The following TAB2 variants were observed in gnomAD, a reference collection of about 807,000 sequenced individuals.
TAB2 encodes the protein TGF-beta activated kinase 1 (MAP3K7) binding protein 2.
A neutral mutation model predicts 65.0 loss-of-function variants in TAB2; 3 were observed. The observed-to-expected ratio is 0.05, with a 90% CI of 0.02 to 0.12. The LOEUF (loss-of-function observed/expected upper bound fraction) is 0.12, where lower values mean the gene tolerates loss of function less well. Ranked by LOEUF, TAB2 falls within the 10% of genes least tolerant of loss-of-function variation. TAB2 has a pLI of 1.00. For synonymous variants in TAB2, 298 were observed against 285.1 expected (o/e 1.05, Z -0.46); for missense variants, 623 against 840.3 (o/e 0.74, Z 3.20).
At chr6:149,386,152 A>G (rs9373589) in intron 3 of TAB2, among the ~76,000 whole-genome samples, 54,494 of 152,020 alleles carry the variant, frequency 0.36, 10,120 homozygotes, top group East Asian at 0.6. Flanking sequence ...CTGTGAACAC[A>G]CGGGATTATA....
At chr6:149,243,325 A>G (rs747135533) in intron 1 of TAB2, 8 of 152,244 alleles carry the variant, frequency 5.3e-5, no homozygotes, top group Non-Finnish European at 1.2e-4. Context: ...GGTGACATAA[A>G]AATATTTGTA....
chr6:149,305,251 C>T (rs749598771), intron 1 of TAB2, among the ~76,000 whole-genome samples: 68 of 152,154 alleles, frequency 4.5e-4, no homozygotes, highest in Admixed American at 1.5e-3. Flanking sequence ...CGTATGCCTG[C>T]CTGATATATT....
chr6:149,380,076 C>G (rs1781559346), intron 3 of TAB2: 2 of 370,900 alleles, frequency 5.4e-6, no homozygotes, highest in Admixed American at 3.6e-5. Flanking sequence ...TCCGTCTCTA[C>G]AGAAGGTTTT....
chr6:149,316,645 G>C (rs1779258794), upstream of TAB2, among the ~76,000 whole-genome samples: 1 of 151,838 alleles, frequency 6.6e-6, no homozygotes, highest in Non-Finnish European at 1.5e-5. Flanking sequence ...TTTCCCTAGG[G>C]GGACACTAAA....
intron 1 of TAB2, among the ~76,000 whole-genome samples, chr6:149,258,527 T>A (rs1475856909): frequency 6.6e-6 from 1 of 152,196 alleles, no homozygotes; most frequent in Non-Finnish European, 1.5e-5. Context: ...GTTCCTCCTG[T>A]CCAGTAACTG....
At position 149,379,435 on chromosome 6, in the gene TAB2, C is replaced by T. The variant is rs766771445; in HGVS notation, c.1520C>T (p.Thr507Met). The change falls in exon 3 of 7, where the codon ACG (threonine) becomes ATG (methionine). Residue 507 changes from threonine to methionine, a missense_variant. This residue lies in a region of TAB2 where 550 missense variants were observed against 665.7 expected (regional missense o/e 0.83). Coordinates refer to ENST00000637181, the MANE Select transcript of TAB2 (RefSeq NM_001292034.3). ...YVETENIQHL[T>M]DPTLAHVDRI... ...GAAACCGAGAATATTCAGCACCTCA[C>T]GGACCCTACATTAGCACATGTGGAT... 9.3e-6 allele frequency: 15 copies of T among 1,613,924 alleles called. No homozygotes were observed. Among genetic ancestry groups the T allele is most frequent in the South Asian group, 4.4e-5 (4 of 91,082 alleles).
At chr6:149,280,678 T>C (rs1166253866) in intron 1 of TAB2, among the ~76,000 whole-genome samples, 1 of 152,266 alleles carries the variant, frequency 6.6e-6, no homozygotes, top group Non-Finnish European at 1.5e-5. Flanking sequence ...CAGTGGCTCA[T>C]ACCTGTAATC....
At chr6:149,348,792 C>T (rs923412381) in intron 1 of TAB2, among the ~76,000 whole-genome samples, 1 of 151,760 alleles carries the variant, frequency 6.6e-6, no homozygotes, top group South Asian at 2.1e-4. Flanking sequence ...GATGAAACCC[C>T]GTCTCTACTA....
intron 1 of TAB2, among the ~76,000 whole-genome samples, chr6:149,367,308 TC>T (rs963200887): frequency 4.6e-5 from 7 of 152,118 alleles, no homozygotes; most frequent in Non-Finnish European, 8.8e-5. Flanking sequence ...TGACATTTGA[TC>T]AACATTCTTA....
upstream of TAB2, among the ~76,000 whole-genome samples, chr6:149,315,715 A>T (rs1030873942): frequency 6.6e-6 from 1 of 152,180 alleles, no homozygotes; most frequent in African/African-American, 2.4e-5. Flanking sequence ...GTCATGATTT[A>T]AAAATACAGG....
intron 1 of TAB2, among the ~76,000 whole-genome samples, chr6:149,360,839 C>T (rs747561563): frequency 1.3e-5 from 2 of 152,174 alleles, no homozygotes; most frequent in Non-Finnish European, 2.9e-5. Context: ...ATGGGGTAAA[C>T]ATTCCCATTC....
chr6:149,289,923 G>T (rs1020503908), intron 1 of TAB2, among the ~76,000 whole-genome samples: 3 of 152,158 alleles, frequency 2.0e-5, no homozygotes, highest in African/African-American at 7.2e-5. Flanking sequence ...GCAGCAGGGA[G>T]TTCCAGGTCA....
chr6:149,332,064 C>T (rs1779800236), intron 1 of TAB2, among the ~76,000 whole-genome samples: 2 of 152,090 alleles, frequency 1.3e-5, no homozygotes, highest in Admixed American at 6.6e-5. Flanking sequence ...TCAAGGATGA[C>T]AAGAGATTTT....
At chr6:149,317,417 A>AGCCGCC (rs5880831), upstream of TAB2, 24 of 169,450 alleles carry the variant, frequency 1.4e-4, 2 homozygotes, top group South Asian at 3.9e-4. This position sits in a 1 kb window ranked among gnomAD's most constrained non-coding sequence, Gnocchi z 4.7. Context: ...CCGCAGCCGC[A>AGCCGCC]GCCGCCGCCG....
At chr6:149,303,024 A>AG (rs1394519414) in intron 1 of TAB2, among the ~76,000 whole-genome samples, 2 of 152,228 alleles carry the variant, frequency 1.3e-5, no homozygotes, top group African/African-American at 4.8e-5. Context: ...CTGCGCATGC[A>AG]GGGGATCTAG....
chr6:149,358,529 G>A (rs1780742428), intron 1 of TAB2, among the ~76,000 whole-genome samples: 1 of 151,996 alleles, frequency 6.6e-6, no homozygotes, highest in Admixed American at 6.6e-5. Flanking sequence ...TGTAGATTAT[G>A]GCTCTTTTCT....
intron 1 of TAB2, among the ~76,000 whole-genome samples, chr6:149,233,551 A>T (rs1287931534): frequency 6.6e-6 from 1 of 152,164 alleles, no homozygotes; most frequent in Non-Finnish European, 1.5e-5. Context: ...TCCCTGAATC[A>T]CCAACATGTA....
At chr6:149,392,088 T>G (rs972267288) in intron 3 of TAB2, among the ~76,000 whole-genome samples, 46 of 151,336 alleles carry the variant, frequency 3.0e-4, no homozygotes, top group Admixed American at 1.3e-4. Flanking sequence ...AGTTTTTTTC[T>G]TTGTTTATGC....
intron 1 of TAB2, among the ~76,000 whole-genome samples, chr6:149,291,916 A>G (rs1778786038): frequency 6.6e-6 from 1 of 152,184 alleles, no homozygotes; most frequent in Non-Finnish European, 1.5e-5. Flanking sequence ...GATTTCTAGG[A>G]GAATGAGTAC....
Sources: gnomAD v4.1 joint callset for allele counts (sites outside exome capture counted in the v4.1 genomes callset) on GRCh38, gnomAD v4.1.1 for gene constraint, gnomAD v4.1.1 regional missense constraint, Gnocchi (gnomAD v3.1) non-coding constraint, MANE v1.5 for transcripts, NCBI Gene and HGNC (gene_info 2026-07-23, HGNC 2026-07-21) for gene names.